XAF1: variants seen among roughly 807,000 people sequenced by gnomAD.
The protein encoded by XAF1 is XIAP associated factor 1, also known as XIAP-associated factor 1.
A neutral mutation model predicts 32.3 loss-of-function variants in XAF1; 32 were observed. The observed-to-expected ratio is 0.99, with a 90% CI of 0.75 to 1.33. The LOEUF (loss-of-function observed/expected upper bound fraction) is 1.33, where lower values mean the gene tolerates loss of function less well. Among genes scored for constraint, XAF1 ranks in the 40% most tolerant of loss-of-function variants. The pLI is 0.00. For synonymous variants in XAF1, 120 were observed against 125.9 expected (o/e 0.95, Z 0.31); for missense variants, 379 against 366.0 (o/e 1.04, Z -0.29).
At chr17:6,769,660 C>T (rs1975873875) in intron 5 of XAF1, among the ~76,000 whole-genome samples, 1 of 152,116 alleles carries the variant, frequency 6.6e-6, no homozygotes, top group Non-Finnish European at 1.5e-5. Context: ...TGGGACTCTA[C>T]CTATGAGGAT....
chr17:6,767,139 T>G (rs777813781), intron 5 of XAF1, among the ~76,000 whole-genome samples: 1 of 152,184 alleles, frequency 6.6e-6, no homozygotes, highest in Non-Finnish European at 1.5e-5. Context: ...ACTGTATACA[T>G]GTATTAGAAA....
chr17:6,758,318 G>C, intron 2 of XAF1, 94 bp downstream of exon 2: 1 of 1,540,556 alleles, frequency 6.5e-7, no homozygotes, highest in Admixed American at 1.9e-5. Context: ...TGGGGGACGA[G>C]GGTCTAGTCC....
intron 4 of XAF1, 25 bp downstream of exon 4, chr17:6,760,626 G>T (rs766820667): frequency 6.3e-7 from 1 of 1,593,242 alleles, no homozygotes; most frequent in Non-Finnish European, 8.6e-7. Context: ...TGGGGTGGAA[G>T]AGAGACGTTC....
chr17:6,759,546 G>A, intron 2 of XAF1, 116 bp from the exon 3 acceptor site: 1 of 1,555,734 alleles, frequency 6.4e-7, no homozygotes, highest in Non-Finnish European at 8.7e-7. Context: ...CCTGCCCTCT[G>A]GGAGTTCACA....
intron 6 of XAF1, 90 bp downstream of exon 6, chr17:6,771,074 G>T (rs756090099): frequency 1.4e-6 from 2 of 1,457,192 alleles, no homozygotes; most frequent in Non-Finnish European, 1.9e-6. Context: ...GTTCACAAAT[G>T]TTGTGGCTGA....
intron 2 of XAF1, 88 bp downstream of exon 2, chr17:6,758,312 G>C (rs1043298242): frequency 2.6e-6 from 4 of 1,553,090 alleles, no homozygotes; most frequent in Non-Finnish European, 3.5e-6. Flanking sequence ...GAGAGTTGGG[G>C]GACGAGGGTC....
Position 6,773,267 on chromosome 17 carries a change from T to C in XAF1, c.*98T>C, listed in dbSNP as rs1976193869. On this transcript the variant is annotated 3_prime_UTR_variant, in exon 7 of 7. Coordinates refer to ENST00000361842, the MANE Select transcript of XAF1 (RefSeq NM_017523.5). ...TGGTGGTCTTGTGAAAGGTGATGGG[T>C]TTTATTCGTTGGGCTTTAAAAGAAA... 1 of 1,116,238 alleles carries C rather than the reference T, an allele frequency of 9.0e-7. No individual in the cohort carries two copies. Among genetic ancestry groups the C allele is most frequent in the Non-Finnish European group, 1.3e-6 (1 of 797,946 alleles). 69.1% of individuals were successfully genotyped at this position (1,116,238 alleles called of 1,614,324 possible). A position where few individuals can be genotyped will look rare whatever the true frequency, so the allele number is the denominator to read the frequency against.
chr17:6,760,543 C>T lies in XAF1; in HGVS notation c.363C>T (p.His121=), dbSNP rs540753996. 4.3e-6 allele frequency: 7 copies of T among 1,613,610 alleles called. No individual in the cohort carries two copies. The Admixed American group carries it at 6.7e-5, about 15-fold the overall frequency. ...LCQGCGQFIM[H]RMLAQHRDVC... ...AAGGCTGTGGCCAGTTCATCATGCA[C>T]CGCATGCTCGCCCAGCACAGAGATG... The change falls in exon 4 of 7, where the codon CAC becomes CAT. Residue 121 remains histidine (H), a synonymous_variant. Coordinates refer to ENST00000361842, the MANE Select transcript of XAF1 (RefSeq NM_017523.5).
At chr17:6,757,664 TA>T (rs1974796266) in intron 1 of XAF1, among the ~76,000 whole-genome samples, 1 of 80,446 alleles carries the variant, frequency 1.2e-5, no homozygotes, top group African/African-American at 5.1e-5. Flanking sequence ...TGTTTCATTT[TA>T]AAAACAGCCT....
chr17:6,765,328 G>T (rs1452667318), intron 5 of XAF1, among the ~76,000 whole-genome samples: 1 of 152,128 alleles, frequency 6.6e-6, no homozygotes, highest in African/African-American at 2.4e-5. Context: ...CAGGAGAATG[G>T]CGTGAACCCA....
intron 6 of XAF1, 84 bp downstream of exon 6, chr17:6,771,068 A>G (rs1317443610): frequency 2.7e-6 from 4 of 1,483,800 alleles, no homozygotes; most frequent in Non-Finnish European, 3.7e-6. Flanking sequence ...AAAGATGTTC[A>G]CAAATGTTGT....
chr17:6,773,122 C>T lies in XAF1; in HGVS notation c.859C>T (p.Arg287Trp), dbSNP rs774538537. The change falls in exon 7 of 7, where the codon CGG (arginine) becomes TGG (tryptophan). Residue 287 changes from arginine (R) to tryptophan (W), a missense_variant. Physicochemically the swap from Arg to Trp is moderately radical, Grantham distance 101 (BLOSUM62 -3). Transcript: ENST00000361842. Reference protein sequence around the residue: ...PILNQHQEKCRWLASSKGKQV... With the variant: ...PILNQHQEKCWWLASSKGKQV... The stretch of plus-strand genomic sequence containing the variant: ...TATATCCATTTCTTAGGAGAAATGC[C>T]GGTGGTTAGCTTCATCAAAAGGAAA... 2.9e-5 allele frequency: 46 copies of T among 1,605,366 alleles called. No homozygotes were observed. Among genetic ancestry groups the T allele is most frequent in the Middle Eastern group, 1.6e-4 (1 of 6,066 alleles).
intron 2 of XAF1, chr17:6,759,005 G>A: frequency 2.5e-6 from 1 of 400,568 alleles, no homozygotes; most frequent in Non-Finnish European, 3.8e-6. Context: ...CTCCCTGCAA[G>A]AAAGAAGGGG....
intron 3 of XAF1, 23 bp from the exon 4 acceptor site, chr17:6,760,383 G>GC: frequency 6.6e-7 from 1 of 1,504,632 alleles, no homozygotes; most frequent in Non-Finnish European, 9.1e-7. Context: ...CAGTGATCAT[G>GC]CCCTTCCTGC....
At chr17:6,761,582 C>T (rs572651901) in intron 4 of XAF1, 1 of 276,090 alleles carries the variant, frequency 3.6e-6, no homozygotes, top group South Asian at 3.9e-5. Flanking sequence ...AGACAGTAAC[C>T]TTCTCCTGAT....
intron 1 of XAF1, among the ~76,000 whole-genome samples, chr17:6,756,914 C>A (rs1374211204): frequency 6.6e-6 from 1 of 152,152 alleles, no homozygotes; most frequent in Admixed American, 6.5e-5. Flanking sequence ...CGGCTACAGC[C>A]ACCCCATTTC....
chr17:6,770,185 G>GA (rs1222581858), intron 5 of XAF1, among the ~76,000 whole-genome samples: 1 of 152,202 alleles, frequency 6.6e-6, no homozygotes, highest in East Asian at 1.9e-4. Flanking sequence ...GAACAGTTCT[G>GA]AAGACTGGGA....
intron 6 of XAF1, chr17:6,771,617 TAA>T (rs1976041019): frequency 6.6e-6 from 1 of 152,188 alleles, no homozygotes; most frequent in Non-Finnish European, 1.5e-5. Context: ...ATTTTACAGA[TAA>T]GGTGAAGTAG....
intron 3 of XAF1, among the ~76,000 whole-genome samples, chr17:6,760,068 G>A (rs1333167436): frequency 1.3e-5 from 2 of 152,226 alleles, no homozygotes; most frequent in East Asian, 1.9e-4. Context: ...GCCAGTGATC[G>A]GCCAGGCGCA....
Sources: allele counts gnomAD v4.1 joint callset (sites outside exome capture counted in the v4.1 genomes callset), GRCh38; gene constraint gnomAD v4.1.1; transcripts MANE v1.5; gene names NCBI Gene and HGNC (gene_info 2026-07-23, HGNC 2026-07-21).